MYH15: variants seen among roughly 807,000 people sequenced by gnomAD.
MYH15 encodes the protein myosin heavy chain 15, also known as myosin-15.
A neutral mutation model predicts 240.5 loss-of-function variants in MYH15; 227 were observed. That is an observed-to-expected ratio of 0.94 (90% CI 0.85 to 1.05). The LOEUF (loss-of-function observed/expected upper bound fraction) is 1.05, where lower values mean the gene tolerates loss of function less well. MYH15 is among the 50% of genes least tolerant of loss of function. The probability of loss-of-function intolerance (pLI) is 0.00; values close to 1 mark genes in which losing one functional copy is unlikely to be tolerated. For synonymous variants in MYH15, 785 were observed against 796.7 expected, an observed-to-expected ratio of 0.99 and a Z score of 0.25; for missense variants, 2,217 against 2,247.5, an observed-to-expected ratio of 0.99 and a Z score of 0.27.
At chr3:108,492,667 C>T (rs934096590) in intron 8 of MYH15, 72 bp from the exon 9 acceptor site, 12 of 1,144,476 alleles carry the variant, frequency 1.0e-5, no homozygotes, top group African/African-American at 6.1e-5. Context: ...AGTAATCAGG[C>T]TGAGCGCAGT....
chr3:108,441,349 A>G, intron 22 of MYH15, 89 bp from the exon 23 acceptor site: 1 of 1,459,570 alleles, frequency 6.9e-7, no homozygotes, highest in Non-Finnish European at 9.4e-7. Context: ...GCAAAGAGAT[A>G]ATTGCCTGCC....
chr3:108,476,656 A>G, intron 11 of MYH15, 141 bp from the exon 12 acceptor site: 2 of 530,336 alleles, frequency 3.8e-6, no homozygotes, highest in South Asian at 3.5e-5. Context: ...TAGTTTTCAA[A>G]TAAATGCCTG....
Position 108,501,737 on chromosome 3 carries a change from C to T in MYH15, c.314G>A (p.Arg105Gln), listed in dbSNP as rs762460620. The change falls in exon 3 of 41, where the codon CGG becomes CAG. Residue 105 changes from arginine to glutamine, a missense_variant. Arg to Gln is a conservative substitution (Grantham distance 43). Coordinates refer to ENST00000693548, the MANE Select transcript of MYH15 (RefSeq NM_014981.3). ...NEASVLHTLK[R>Q]RYGQWMIYTY... ...ATAGATCATCCACTGGCCATAGCGC[C>T]GCTTCAGGGTATGCAGCACGGATGC... 20 of 1,613,932 alleles carry T rather than the reference C, an allele frequency of 1.2e-5. No individual in the cohort carries two copies. Among genetic ancestry groups the T allele is most frequent in the Middle Eastern group, 1.6e-4 (1 of 6,084 alleles).
Position 108,394,042 on chromosome 3 carries a change from C to T in MYH15, c.5248G>A (p.Ala1750Thr). ...GTCAAGGGACCCACCTCAATGGCTG[C>T]CTTCTTGGCCTTCTCTTCTGCATTT... ...CQNAEEKAKKAAIEAANLSEE... is the reference protein window; with the variant it reads ...CQNAEEKAKKTAIEAANLSEE... The change falls in exon 36 of 41, where the codon GCA becomes ACA. Residue 1750 changes from alanine to threonine, a missense_variant. Transcript: ENST00000693548. The T allele has an allele frequency of 1.2e-6, 2 of 1,613,944 alleles. No individual in the cohort carries two copies. The highest frequency in any genetic ancestry group is 1.7e-6 in the Non-Finnish European group (2 of 1,179,962).
chr3:108,463,321 C>CA, intron 15 of MYH15, 78 bp from the exon 16 acceptor site: 1 of 1,143,466 alleles, frequency 8.7e-7, no homozygotes, highest in Non-Finnish European at 1.2e-6. Context: ...TGCATTACCC[C>CA]TTTTTTTTTT....
At chr3:108,432,604 T>C (rs905876238) in intron 25 of MYH15, among the ~76,000 whole-genome samples, 1 of 152,062 alleles carries the variant, frequency 6.6e-6, no homozygotes, top group Non-Finnish European at 1.5e-5. Flanking sequence ...GAAAAATTGG[T>C]TTCGTGGGCT....
At position 108,495,665 on chromosome 3, in the gene MYH15, A is replaced by G. The variant is rs946278505; in HGVS notation, c.711+115T>C. The G allele has an allele frequency of 6.5e-6, 4 of 615,890 alleles. No homozygotes were observed. The Admixed American group carries it at 1.3e-4, about 21-fold the overall frequency. 38.2% of individuals were successfully genotyped at this position (615,890 alleles called of 1,614,324 possible). On this transcript the variant is annotated intron_variant, in intron 7 of 40. Transcript: ENST00000693548. ...GAGAAATCTAACATTACAGACTTTA[A>G]TCAAAGACCTTCTTTGGTGTTCTAT... is the stretch of plus-strand genomic sequence containing the variant.
At position 108,410,766 on chromosome 3, in the gene MYH15, G is replaced by T. The variant is rs768249620; in HGVS notation, c.4312C>A (p.Gln1438Lys). The T allele has an allele frequency of 3.7e-6, 6 of 1,614,140 alleles. No homozygotes were observed. The Admixed American group carries it at 6.7e-5, about 18-fold the overall frequency. ...GCAAGGGCCTTGCCAGACTGCAGCT[G>T]CTTCTGGTCCAGCCTGGCTGCTGCA... is the stretch of plus-strand genomic sequence containing the variant. ...RSAAARLDQK[Q>K]LQSGKALADW... The change falls in exon 31 of 41, where the codon CAG becomes AAG. Residue 1438 changes from glutamine (Q) to lysine (K), a missense_variant. Gln to Lys is a moderately conservative substitution (Grantham distance 53). Coordinates refer to ENST00000693548, the MANE Select transcript of MYH15 (RefSeq NM_014981.3).
rs750102040 is a variant in MYH15 at position 108,492,577 on chromosome 3, C to T, written c.794G>A (p.Arg265Lys). Residue 265 changes from arginine to lysine, a missense_variant, in exon 9 of 41, where the codon AGG becomes AAG. Physicochemically the swap from Arg to Lys is conservative, Grantham distance 26. Transcript: ENST00000693548. ...DIDIYLLEKS[R>K]VIFQQAGERN... ...CTCTCCAGCCTGCTGGAAAATCACC[C>T]TGGACTTTTCAAGCAAATCTGGATG... is the stretch of plus-strand genomic sequence containing the variant. 4 of 1,612,930 alleles carry T rather than the reference C, an allele frequency of 2.5e-6. No individual in the cohort carries two copies. Among genetic ancestry groups the T allele is most frequent in the Non-Finnish European group, 3.4e-6 (4 of 1,179,216 alleles).
chr3:108,511,675 A>T (rs34544935), upstream of MYH15, among the ~76,000 whole-genome samples: 2 of 152,220 alleles, frequency 1.3e-5, no homozygotes, highest in African/African-American at 2.4e-5. Flanking sequence ...TACTCATCAC[A>T]TTTATAGGTA....
Position 108,456,903 on chromosome 3 carries a change from A to C in MYH15, c.2021-20T>G, listed in dbSNP as rs527695483. ...GTATACCTGGAAAAAAAAAAGAGTC[A>C]TGGTGGATCTGTGCCTGAAAAAAAA... On this transcript the variant is annotated intron_variant, in intron 18 of 40. Coordinates refer to ENST00000693548, the MANE Select transcript of MYH15 (RefSeq NM_014981.3). The C allele has an allele frequency of 1.3e-6, 2 of 1,549,968 alleles. No homozygotes were observed. The highest frequency in any genetic ancestry group is 2.3e-5 in the South Asian group (2 of 87,620).
At chr3:108,496,012 T>C (rs2083386697) in intron 6 of MYH15, 140 bp from the exon 7 acceptor site, 1 of 558,966 alleles carries the variant, frequency 1.8e-6, no homozygotes, top group Non-Finnish European at 3.1e-6. Context: ...TTTGGTTATA[T>C]TATCTTCGAA....
chr3:108,506,771 G>A (rs1341966091), intron 1 of MYH15, among the ~76,000 whole-genome samples: 2 of 152,158 alleles, frequency 1.3e-5, no homozygotes, highest in Non-Finnish European at 2.9e-5. Context: ...AGTGGCTCAC[G>A]CCTGTAATCC....
At chr3:108,501,145 T>C (rs2083434132) in intron 3 of MYH15, among the ~76,000 whole-genome samples, 8 of 152,210 alleles carry the variant, frequency 5.3e-5, no homozygotes, top group Admixed American at 3.9e-4. Context: ...AGGAGCAAGC[T>C]GGTTGCATGC....
chr3:108,518,965 A>G (rs2083596013), intron 1 of MYH15, among the ~76,000 whole-genome samples: 1 of 152,182 alleles, frequency 6.6e-6, no homozygotes, highest in Non-Finnish European at 1.5e-5. Flanking sequence ...AGAAGACTCT[A>G]GTTCTTTGGG....
intron 21 of MYH15, among the ~76,000 whole-genome samples, chr3:108,450,697 C>T (rs1258365011): frequency 6.6e-6 from 1 of 152,138 alleles, no homozygotes; most frequent in African/African-American, 2.4e-5. Flanking sequence ...ACCTTAAATG[C>T]TCTCACCACA....
At chr3:108,485,378 C>T (rs551300569) in intron 10 of MYH15, 149 bp from the exon 11 acceptor site, 2 of 826,942 alleles carry the variant, frequency 2.4e-6, no homozygotes, top group Admixed American at 2.3e-5. Context: ...GCCCTGTTGG[C>T]ACTTGGTCAC....
the MYH15 span, among the ~76,000 whole-genome samples, chr3:108,537,862 G>T: frequency 6.6e-6 from 1 of 152,242 alleles, no homozygotes; most frequent in Admixed American, 6.5e-5. Flanking sequence ...CCCACTTCAA[G>T]GTTGGGATAA....
chr3:108,517,615 C>T (rs2083584174), intron 1 of MYH15, among the ~76,000 whole-genome samples: 1 of 149,946 alleles, frequency 6.7e-6, no homozygotes, highest in African/African-American at 2.5e-5. Flanking sequence ...TTACAGGTAC[C>T]CACCACCATG....
Sources: gnomAD v4.1 joint callset for allele counts (sites outside exome capture counted in the v4.1 genomes callset) on GRCh38, gnomAD v4.1.1 for gene constraint, MANE v1.5 for transcripts, NCBI Gene and HGNC (gene_info 2026-07-23, HGNC 2026-07-21) for gene names.